The following DPYD variants were observed in gnomAD, a reference collection of about 807,000 sequenced individuals.
The protein encoded by DPYD is dihydropyrimidine dehydrogenase [NADP(+)].
Under a neutral mutation model 116.2 loss-of-function variants are expected in DPYD, and 109 were observed. That is an observed-to-expected ratio of 0.94 (90% CI 0.80 to 1.10). The LOEUF (loss-of-function observed/expected upper bound fraction) is 1.10, where lower values mean the gene tolerates loss of function less well. Among genes scored for constraint, DPYD ranks in the 50% least tolerant of loss-of-function variants. The pLI is 0.00. For missense variants in DPYD, 1,302 were observed against 1,254.5 expected, an observed-to-expected ratio of 1.04 and a Z score of -0.57; for synonymous variants, 440 against 432.0, an observed-to-expected ratio of 1.02 and a Z score of -0.23.
chr1:97,248,089 T>G (rs907292348), intron 18 of DPYD, among the ~76,000 whole-genome samples: 2 of 152,172 alleles, frequency 1.3e-5, no homozygotes, highest in African/African-American at 4.8e-5. Flanking sequence ...ATCCATAGAC[T>G]CAAATATCTG....
intron 2 of DPYD, among the ~76,000 whole-genome samples, chr1:97,839,724 G>A (rs919612761): frequency 1.9e-4 from 29 of 152,064 alleles, no homozygotes; most frequent in African/African-American, 7.0e-4. Flanking sequence ...ATAAATTATG[G>A]TGAAAATGAC....
intron 19 of DPYD, among the ~76,000 whole-genome samples, chr1:97,206,269 C>G (rs1307772131): frequency 6.6e-6 from 1 of 151,834 alleles, no homozygotes; most frequent in African/African-American, 2.4e-5. Flanking sequence ...AATATTCTGT[C>G]CTTTTGTAAC....
At chr1:97,370,685 T>C (rs1172986253) in intron 16 of DPYD, among the ~76,000 whole-genome samples, 1 of 152,220 alleles carries the variant, frequency 6.6e-6, no homozygotes, top group African/African-American at 2.4e-5. Context: ...TAGCCTGCTA[T>C]TTTTAATGTT....
chr1:97,248,420 C>T (rs1662865960), intron 18 of DPYD, among the ~76,000 whole-genome samples: 1 of 152,172 alleles, frequency 6.6e-6, no homozygotes, highest in South Asian at 2.1e-4. Context: ...TCCTTGCCTT[C>T]CACCATGATT....
chr1:97,377,363 C>T (rs1397826367), intron 15 of DPYD, among the ~76,000 whole-genome samples: 1 of 152,092 alleles, frequency 6.6e-6, no homozygotes, highest in Admixed American at 6.5e-5. Context: ...AAGGTGTATA[C>T]TATCTATCTA....
intron 20 of DPYD, among the ~76,000 whole-genome samples, chr1:97,162,532 T>C (rs898551694): frequency 1.3e-5 from 2 of 152,166 alleles, no homozygotes; most frequent in African/African-American, 2.4e-5. Context: ...GAAGAATTAG[T>C]ATCATGAAAA....
chr1:97,384,801 C>A (rs1672222365), intron 14 of DPYD, among the ~76,000 whole-genome samples: 1 of 151,750 alleles, frequency 6.6e-6, no homozygotes, highest in South Asian at 2.1e-4. Flanking sequence ...GACCATTAGT[C>A]ACAAAAAGGT....
intron 20 of DPYD, among the ~76,000 whole-genome samples, chr1:97,162,085 C>A (rs1310384327): frequency 6.6e-6 from 1 of 151,682 alleles, no homozygotes; most frequent in East Asian, 1.9e-4. Context: ...GGGTATATAC[C>A]CAGTAATGGG....
chr1:97,109,274 G>C (rs1311757767), intron 20 of DPYD, among the ~76,000 whole-genome samples: 2 of 152,088 alleles, frequency 1.3e-5, no homozygotes, highest in Non-Finnish European at 2.9e-5. Context: ...AGATGTGAGT[G>C]CTCTGAATTA....
At chr1:97,588,830 C>G (rs1654318008) in intron 10 of DPYD, among the ~76,000 whole-genome samples, 1 of 152,164 alleles carries the variant, frequency 6.6e-6, no homozygotes. Context: ...ATGATGCCTG[C>G]ATATCTTCAT....
At chr1:97,803,195 G>A (rs973577983) in intron 3 of DPYD, among the ~76,000 whole-genome samples, 1 of 151,724 alleles carries the variant, frequency 6.6e-6, no homozygotes, top group African/African-American at 2.4e-5. Context: ...CCGATTTGAC[G>A]CACCAGTCAG....
At chr1:97,614,286 CTT>C (rs1040945401) in intron 8 of DPYD, among the ~76,000 whole-genome samples, 1 of 151,990 alleles carries the variant, frequency 6.6e-6, no homozygotes, top group Non-Finnish European at 1.5e-5. Flanking sequence ...GAGTTAGAGA[CTT>C]GAGCTAGAAG....
intron 16 of DPYD, among the ~76,000 whole-genome samples, chr1:97,328,436 C>A (rs1668815202): frequency 6.6e-6 from 1 of 152,054 alleles, no homozygotes; most frequent in Non-Finnish European, 1.5e-5. Context: ...GTTTAACTCC[C>A]AGGCCAGAGT....
At chr1:97,905,331 T>A (rs571327483) in intron 1 of DPYD, among the ~76,000 whole-genome samples, 4 of 152,036 alleles carry the variant, frequency 2.6e-5, no homozygotes, top group African/African-American at 2.4e-5. Flanking sequence ...GTCCTCAATA[T>A]GAACTGGTTT....
At chr1:97,521,055 T>G (rs189622264) in intron 12 of DPYD, among the ~76,000 whole-genome samples, 1 of 152,280 alleles carries the variant, frequency 6.6e-6, no homozygotes, top group Non-Finnish European at 1.5e-5. Context: ...CACCACACTG[T>G]CTTCCACAAT....
chr1:97,273,828 A>C (rs1664751754), intron 18 of DPYD, among the ~76,000 whole-genome samples: 1 of 152,140 alleles, frequency 6.6e-6, no homozygotes, highest in African/African-American at 2.4e-5. Context: ...ATATTTCTTG[A>C]TATCTGTACA....
At chr1:97,551,225 TA>T (rs1326192847) in intron 11 of DPYD, among the ~76,000 whole-genome samples, 1 of 152,180 alleles carries the variant, frequency 6.6e-6, no homozygotes, top group African/African-American at 2.4e-5. Flanking sequence ...TTCATGTAAT[TA>T]TTTTCAAAGC....
chr1:97,671,730 C>A (rs1465418357), intron 8 of DPYD, among the ~76,000 whole-genome samples: 3 of 151,756 alleles, frequency 2.0e-5, no homozygotes, highest in Non-Finnish European at 2.9e-5. Flanking sequence ...GGATAAAAAC[C>A]AACACCAACT....
At chr1:97,692,746 A>G (rs1287830931) in intron 6 of DPYD, among the ~76,000 whole-genome samples, 1 of 152,210 alleles carries the variant, frequency 6.6e-6, no homozygotes, top group East Asian at 1.9e-4. Flanking sequence ...AATTACATTT[A>G]GAATGTGGTA....
Sources: allele counts gnomAD v4.1 joint callset (sites outside exome capture counted in the v4.1 genomes callset), GRCh38; gene constraint gnomAD v4.1.1; transcripts MANE v1.5; gene names NCBI Gene and HGNC (gene_info 2026-07-23, HGNC 2026-07-21).